Variants in REPS2 observed in about 807,000 individuals in gnomAD.
The protein encoded by REPS2 is ralBP1-associated Eps domain-containing protein 2.
REPS2 carries 23 observed loss-of-function variants against 53.6 expected under a neutral mutation model. The ratio of observed to expected loss-of-function variants is 0.43; its 90% CI spans 0.31 to 0.61. The LOEUF is 0.61. Among genes scored for constraint, REPS2 ranks in the 20% least tolerant of loss-of-function variants. The pLI, the probability that REPS2 is intolerant of heterozygous loss-of-function variation, is 0.11. For missense variants in REPS2, 446 were observed against 534.9 expected, an observed-to-expected ratio of 0.83 and a Z score of 1.64; for synonymous variants, 238 against 218.6, an observed-to-expected ratio of 1.09 and a Z score of -0.78.
intron 2 of REPS2, among the ~76,000 whole-genome samples, chrX:17,020,203 T>C (rs1159501110): frequency 8.9e-6 from 1 of 112,428 alleles, no homozygotes; most frequent in Non-Finnish European, 1.9e-5. Flanking sequence ...TATTCATAAT[T>C]CAGTTAGTGT....
At chrX:17,076,632 T>C (rs1310019137) in intron 12 of REPS2, among the ~76,000 whole-genome samples, 1 of 112,200 alleles carries the variant, frequency 8.9e-6, no homozygotes, top group African/African-American at 3.2e-5. Context: ...TTTAAAAAGA[T>C]GATATTACCA....
intron 14 of REPS2, among the ~76,000 whole-genome samples, chrX:17,114,434 C>T (rs1279778322): frequency 2.7e-5 from 3 of 111,921 alleles, no homozygotes; most frequent in Non-Finnish European, 3.8e-5. Context: ...TCCTAAATGT[C>T]AAGTGCCTAC....
intron 14 of REPS2, among the ~76,000 whole-genome samples, chrX:17,126,550 A>G (rs558243680): frequency 6.2e-5 from 7 of 112,242 alleles, no homozygotes; most frequent in African/African-American, 2.3e-4. Context: ...ACGCAAAGGC[A>G]AGTGACTTCC....
chrX:16,947,322 C>G (rs2060451274), intron 1 of REPS2, among the ~76,000 whole-genome samples, 188 bp downstream of exon 1: 1 of 112,482 alleles, frequency 8.9e-6, no homozygotes, highest in Non-Finnish European at 1.9e-5. Flanking sequence ...TCCTTCGCAG[C>G]TCAGCTCCTC....
intron 8 of REPS2, among the ~76,000 whole-genome samples, chrX:17,059,899 GCCTTTTGATAGTTTCATCAAAAGTCT>G (rs2062133105): frequency 4.3e-5 from 2 of 46,783 alleles, no homozygotes; most frequent in South Asian, 1.8e-3. Context: ...TTACCCGCTA[GCCTTTTGATAGTTTCATCAAAAGTCT>G]CCTTTTGATA....
rs1010631222 is a variant in REPS2, at chrX:17,056,592, G to A, written c.1114+1642G>A. On this transcript the variant is annotated intron_variant, in intron 8 of 17. Transcript: ENST00000357277. ...TGCCTGTAGTCCCAGCTACTTTGGA[G>A]GCTGAGGCAGGAGAATGGCATGAAC... Among the ~76,000 whole-genome samples the A allele has an allele frequency of 2.7e-5, 3 of 110,723 alleles. No individual in the cohort carries two copies. The Admixed American group carries it at 2.9e-4, about 11-fold the overall frequency.
intron 13 of REPS2, among the ~76,000 whole-genome samples, chrX:17,087,161 A>C (rs138813007): frequency 8.9e-6 from 1 of 112,226 alleles, no homozygotes; most frequent in Non-Finnish European, 1.9e-5. Flanking sequence ...GGTGTCTACT[A>C]TAGTAGCCTC....
intron 8 of REPS2, among the ~76,000 whole-genome samples, chrX:17,060,319 A>G (rs2062142029): frequency 9.0e-6 from 1 of 110,846 alleles, no homozygotes; most frequent in Non-Finnish European, 1.9e-5. Flanking sequence ...AAAATAAAAT[A>G]AAAATAAAAA....
At chrX:17,130,040 A>G (rs1398912818) in intron 14 of REPS2, among the ~76,000 whole-genome samples, 2 of 112,412 alleles carry the variant, frequency 1.8e-5, no homozygotes. Context: ...TCTAGGTAAA[A>G]GGCAAGAAGG....
At chrX:16,980,338 C>T (rs995225719) in intron 1 of REPS2, among the ~76,000 whole-genome samples, 3 of 106,283 alleles carry the variant, frequency 2.8e-5, no homozygotes, top group Non-Finnish European at 5.8e-5. Flanking sequence ...GAGTCTCACT[C>T]TGTCGCCAGG....
At chrX:17,182,572 G>C in the REPS2 span, among the ~76,000 whole-genome samples, 1 of 112,139 alleles carries the variant, frequency 8.9e-6, no homozygotes, top group Non-Finnish European at 1.9e-5. Context: ...CCAGTCATTA[G>C]TAAACAACAG....
At chrX:17,059,452 C>T (rs1207881075) in intron 8 of REPS2, among the ~76,000 whole-genome samples, 1 of 109,738 alleles carries the variant, frequency 9.1e-6, no homozygotes, top group Non-Finnish European at 1.9e-5. Context: ...CATAACTAGA[C>T]AAGCTTGTTT....
intron 2 of REPS2, among the ~76,000 whole-genome samples, chrX:17,016,677 G>C (rs372596654): frequency 2.1e-3 from 228 of 110,974 alleles, no homozygotes; most frequent in African/African-American, 7.4e-3. Flanking sequence ...CCAAAGTGCT[G>C]GGATTACAGG....
At chrX:17,079,668 A>G (rs780250796) in intron 13 of REPS2, among the ~76,000 whole-genome samples, 1 of 112,248 alleles carries the variant, frequency 8.9e-6, no homozygotes, top group African/African-American at 3.2e-5. Flanking sequence ...AGATTTAGAC[A>G]AATAATAGCT....
At chrX:17,123,218 G>T (rs772517179) in intron 14 of REPS2, among the ~76,000 whole-genome samples, 6 of 111,413 alleles carry the variant, frequency 5.4e-5, no homozygotes, top group Non-Finnish European at 9.4e-5. Context: ...AGAGAATCCT[G>T]CTTTAGATCA....
At chrX:16,958,868 G>A (rs147376267) in intron 1 of REPS2, among the ~76,000 whole-genome samples, 58 of 111,885 alleles carry the variant, frequency 5.2e-4, no homozygotes, top group Non-Finnish European at 7.0e-4. Flanking sequence ...CTATGAGCAG[G>A]AGTGGGAAAC....
chrX:17,178,255 TTGTC>T, the REPS2 span, among the ~76,000 whole-genome samples: 21 of 112,180 alleles, frequency 1.9e-4, no homozygotes, highest in South Asian at 6.7e-3. Flanking sequence ...CTCCGGGGCT[TTGTC>T]TGACCATGTA....
At chrX:17,042,082 T>C (rs778909146) in intron 5 of REPS2, among the ~76,000 whole-genome samples, 10 of 112,536 alleles carry the variant, frequency 8.9e-5, no homozygotes, top group Non-Finnish European at 1.9e-4. Context: ...CTAATTCTCC[T>C]GTGTCTAGAG....
chrX:16,949,927 T>G (rs2060487560), intron 1 of REPS2, among the ~76,000 whole-genome samples: 1 of 111,415 alleles, frequency 9.0e-6, no homozygotes, highest in Admixed American at 9.6e-5. Context: ...CTCTTGGTGT[T>G]GTACATTCTG....
Sources: gnomAD v4.1 joint callset for allele counts (sites outside exome capture counted in the v4.1 genomes callset) on GRCh38, gnomAD v4.1.1 for gene constraint, MANE v1.5 for transcripts, NCBI Gene and HGNC (gene_info 2026-07-23, HGNC 2026-07-21) for gene names.